BORCS7: variants seen among roughly 807,000 people sequenced by gnomAD.
BORCS7 encodes the protein BLOC-1-related complex subunit 7.
Under a neutral mutation model 17.5 loss-of-function variants are expected in BORCS7, and 20 were observed. That is an observed-to-expected ratio of 1.14 (90% CI 0.80 to 1.66). The LOEUF is 1.66. Among genes scored for constraint, BORCS7 ranks in the 40% most tolerant of loss-of-function variants. BORCS7 has a pLI of 0.00. For missense variants in BORCS7, 122 were observed against 129.7 expected (o/e 0.94, Z 0.29); for synonymous variants, 57 against 49.8 (o/e 1.14, Z -0.61).
At chr10:102,858,260 C>T (rs1004156419) in intron 1 of BORCS7, among the ~76,000 whole-genome samples, 1 of 150,824 alleles carries the variant, frequency 6.6e-6, no homozygotes, top group Non-Finnish European at 1.5e-5. Flanking sequence ...TAGTATGTTA[C>T]ATTTTAAGTA....
chr10:102,860,992 A>G (rs1268175511), intron 3 of BORCS7, among the ~76,000 whole-genome samples: 1 of 152,256 alleles, frequency 6.6e-6, no homozygotes, highest in African/African-American at 2.4e-5. Context: ...GGCACCTGCT[A>G]CATATAAATC....
intron 3 of BORCS7, 90 bp from the exon 4 acceptor site, chr10:102,862,070 A>C: frequency 7.9e-7 from 1 of 1,271,804 alleles, no homozygotes; most frequent in South Asian, 1.3e-5. Flanking sequence ...ACATAAGCTG[A>C]AATTTCTTCT....
chr10:102,862,767 G>C (rs1239592681), intron 4 of BORCS7, 106 bp from the exon 5 acceptor site: 4 of 917,728 alleles, frequency 4.4e-6, no homozygotes, highest in Non-Finnish European at 5.2e-6. Context: ...GTGCAGCATA[G>C]TGAGACCCTG....
At chr10:102,856,954 G>A (rs1045293436) in intron 1 of BORCS7, among the ~76,000 whole-genome samples, 1 of 152,002 alleles carries the variant, frequency 6.6e-6, no homozygotes, top group African/African-American at 2.4e-5. Context: ...TTAGAGTACT[G>A]CTGTGTCATC....
intron 1 of BORCS7, among the ~76,000 whole-genome samples, chr10:102,859,917 T>G (rs1027648850): frequency 2.6e-5 from 4 of 152,168 alleles, no homozygotes; most frequent in African/African-American, 9.7e-5. Flanking sequence ...TCAGCCCCAT[T>G]CTAACTCTTG....
intron 1 of BORCS7, among the ~76,000 whole-genome samples, chr10:102,854,907 T>C (rs1844399477): frequency 6.8e-6 from 1 of 147,410 alleles, no homozygotes; most frequent in African/African-American, 2.5e-5. Flanking sequence ...TATATATACG[T>C]ATATATTATA....
At chr10:102,855,267 T>C (rs1218017373) in intron 1 of BORCS7, among the ~76,000 whole-genome samples, 2 of 150,896 alleles carry the variant, frequency 1.3e-5, no homozygotes, top group Non-Finnish European at 2.9e-5. Flanking sequence ...CAAGTGATTC[T>C]CCCGCCTCAG....
chr10:102,863,586 A>G lies in BORCS7; in HGVS notation c.*662A>G, dbSNP rs1844553852. Reference sequence around the variant, plus strand: ...TTCAGTACTTAAGCAAATACTGAGTAGTGTTTTAAATTCAGAAATAGAGCT... The same window carrying G: ...TTCAGTACTTAAGCAAATACTGAGTGGTGTTTTAAATTCAGAAATAGAGCT... On this transcript the variant is annotated 3_prime_UTR_variant, in exon 5 of 5. Coordinates refer to ENST00000339834, the MANE Select transcript of BORCS7 (RefSeq NM_001136200.2). The G allele has an allele frequency of 6.6e-6, 1 of 152,220 alleles. No individual in the cohort carries two copies. Among genetic ancestry groups the G allele is most frequent in the South Asian group, 2.1e-4 (1 of 4,836 alleles). 9.4% of individuals were successfully genotyped at this position (152,220 alleles called of 1,614,324 possible). A position where few individuals can be genotyped will look rare whatever the true frequency, so the allele number is the denominator to read the frequency against.
chr10:102,864,772 A>G lies in BORCS7; in HGVS notation c.*1848A>G, dbSNP rs1844568399. On this transcript the variant is annotated 3_prime_UTR_variant, in exon 5 of 5. Transcript: ENST00000339834. ...GATGGTTTGTTTTTTTATGGAAATA[A>G]ACAACATACATAGAATTAAATGGTG... The G allele has an allele frequency of 6.6e-6, 1 of 152,178 alleles. No homozygotes were observed. The highest frequency in any genetic ancestry group is 2.1e-4 in the South Asian group (1 of 4,836). The allele number at this position is 152,178 out of a possible 1,614,324, so 9.4% of individuals were successfully genotyped here.
Position 102,854,311 on chromosome 10 carries a change from T to G in BORCS7, c.25T>G (p.Ser9Ala). 1 of 1,604,512 alleles carries G rather than the reference T, an allele frequency of 6.2e-7. No homozygotes were observed. Among genetic ancestry groups the G allele is most frequent in the Non-Finnish European group, 8.5e-7 (1 of 1,175,814 alleles). The change falls in exon 1 of 5, where the codon TCT (serine) becomes GCT (alanine). Residue 9 changes from serine to alanine, a missense_variant. Physicochemically the swap from Ser to Ala is moderately conservative, Grantham distance 99. Transcript: ENST00000339834. ...AATGATGGCGACTGGAACGCCAGAG[T>G]CTCAAGCGCGGTTCGGTCAGTCCGT... MMATGTPE[S>A]QARFGQSVKG...
intron 1 of BORCS7, among the ~76,000 whole-genome samples, chr10:102,855,588 C>G (rs550291309): frequency 1.2e-4 from 18 of 152,150 alleles, no homozygotes; most frequent in Non-Finnish European, 2.5e-4. Flanking sequence ...AGGAACTGCT[C>G]TAGGTACACG....
chr10:102,863,435 C>T lies in BORCS7; in HGVS notation c.*511C>T, dbSNP rs1038596443. On this transcript the variant is annotated 3_prime_UTR_variant, in exon 5 of 5. Coordinates refer to ENST00000339834, the MANE Select transcript of BORCS7 (RefSeq NM_001136200.2). ...TGAATTTTGGAAGCACTTCTTGAAT[C>T]GGATTAACCCATGCTCTTATTGAAT... The T allele has an allele frequency of 1.3e-5, 2 of 152,454 alleles. No individual in the cohort carries two copies. The highest frequency in any genetic ancestry group is 4.8e-5 in the African/African-American group (2 of 41,348). 9.4% of individuals were successfully genotyped at this position (152,454 alleles called of 1,614,324 possible).
rs1015255867 is a variant in BORCS7, at chr10:102,862,233, G to T, written c.269+53G>T. 6 of 1,535,490 alleles carry T rather than the reference G, an allele frequency of 3.9e-6. No individual in the cohort carries two copies. In the African/African-American group the frequency reaches 8.2e-5, roughly 21 times the overall value. ...GGGAACCAACTGAAGCAGGCTGGGG[G>T]GATTTATACTGCTGGGTCCAGAATC... On this transcript the variant is annotated intron_variant, in intron 4 of 4. Coordinates refer to ENST00000339834, the MANE Select transcript of BORCS7 (RefSeq NM_001136200.2).
chr10:102,860,416 T>A (rs146067327), intron 2 of BORCS7, 22 bp downstream of exon 2: 3 of 1,611,852 alleles, frequency 1.9e-6, no homozygotes, highest in South Asian at 2.2e-5. Flanking sequence ...CTTTTTTTTT[T>A]AATGATTTGG....
chr10:102,856,850 A>G lies in BORCS7; in HGVS notation c.141+2423A>G, dbSNP rs549016455. Reference sequence around the variant, plus strand: ...AGCCCCTGCCTTCAAGGCAACCACAACTCCCATTGAGTCTGTTTTCTAAAT... The same window carrying G: ...AGCCCCTGCCTTCAAGGCAACCACAGCTCCCATTGAGTCTGTTTTCTAAAT... On this transcript the variant is annotated intron_variant, in intron 1 of 4. Coordinates refer to ENST00000339834, the MANE Select transcript of BORCS7 (RefSeq NM_001136200.2). Among the ~76,000 whole-genome samples the G allele has an allele frequency of 3.9e-5, 6 of 151,966 alleles. 1 individual carries two copies. The South Asian group carries it at 1.0e-3, about 26-fold the overall frequency.
intron 1 of BORCS7, among the ~76,000 whole-genome samples, chr10:102,858,190 TAGAG>T (rs531916354): frequency 0.32 from 42,790 of 134,048 alleles, 7,425 homozygotes; most frequent in East Asian, 0.48. Flanking sequence ...TATATATATA[TAGAG>T]AGAGAGAGCG....
intron 1 of BORCS7, among the ~76,000 whole-genome samples, chr10:102,855,159 CTTTTTTT>C (rs945217993): frequency 7.6e-6 from 1 of 130,756 alleles, no homozygotes; most frequent in Non-Finnish European, 1.7e-5. Flanking sequence ...AGTACTTTTC[CTTTTTTT>C]TTTTTTTTTT....
chr10:102,855,887 G>A (rs182622705), intron 1 of BORCS7, among the ~76,000 whole-genome samples: 5,774 of 152,172 alleles, frequency 0.038, 146 homozygotes, highest in Non-Finnish European at 0.058. Context: ...TCAGCCTCCT[G>A]AGTAGCTGGG....
At chr10:102,858,364 A>G (rs1021613424) in intron 1 of BORCS7, among the ~76,000 whole-genome samples, 1 of 151,872 alleles carries the variant, frequency 6.6e-6, no homozygotes, top group Admixed American at 6.6e-5. Context: ...ATAGTTATGC[A>G]TGGGGCTGGG....
Sources: allele counts gnomAD v4.1 joint callset (sites outside exome capture counted in the v4.1 genomes callset), GRCh38; gene constraint gnomAD v4.1.1; transcripts MANE v1.5; gene names NCBI Gene and HGNC (gene_info 2026-07-23, HGNC 2026-07-21).